Variants in TOX4 observed in about 807,000 individuals in gnomAD.
The protein encoded by TOX4 is TOX high mobility group box family member 4, also known as epidermal Langerhans cell protein LCP1.
TOX4 carries 12 observed loss-of-function variants against 61.0 expected under a neutral mutation model. The observed-to-expected ratio is 0.20, with a 90% confidence interval of 0.13 to 0.32. TOX4 has a LOEUF of 0.32. Ranked by LOEUF, TOX4 falls within the 10% of genes least tolerant of loss-of-function variation. The probability of loss-of-function intolerance (pLI) is 1.00; values close to 1 mark genes in which losing one functional copy is unlikely to be tolerated. For synonymous variants in TOX4, 268 were observed against 274.8 expected (o/e 0.98, Z 0.24); for missense variants, 499 against 753.3 (o/e 0.66, Z 3.95).
intron 2 of TOX4, chr14:21,482,456 C>G (rs920038408): frequency 2.4e-6 from 1 of 412,480 alleles, no homozygotes; most frequent in African/African-American, 2.1e-5. Context: ...GTTTTGGGAT[C>G]AGAGAATGAA....
At chr14:21,482,291 T>G (rs1469752721) in intron 2 of TOX4, among the ~76,000 whole-genome samples, 1 of 152,136 alleles carries the variant, frequency 6.6e-6, no homozygotes, top group Non-Finnish European at 1.5e-5. Context: ...TCTGGCTAAA[T>G]AGGTAAAATT....
At chr14:21,486,657 A>G (rs33919729) in intron 2 of TOX4, among the ~76,000 whole-genome samples, 22,892 of 152,170 alleles carry the variant, frequency 0.15, 1,775 homozygotes, top group Admixed American at 0.23. Context: ...TCACATCTTA[A>G]TCAGACATTG....
In TOX4 at chr14:21,479,447, G is replaced by A. The variant is rs913088562; in HGVS notation, c.75+1883G>A. Among the ~76,000 whole-genome samples, 4 of 151,964 alleles carry A rather than the reference G, an allele frequency of 2.6e-5. 1 individual carries two copies. Among genetic ancestry groups the A allele is most frequent in the Non-Finnish European group, 2.9e-5 (2 of 67,944 alleles). On this transcript the variant is annotated intron_variant, in intron 2 of 8. Coordinates refer to ENST00000448790, the MANE Select transcript of TOX4 (RefSeq NM_014828.4). ...GGGCGGATCACGAGGTCAGGAGTTC[G>A]AGACCAGCCTGACCAACATGTGAAA...
Position 21,498,747 on chromosome 14 carries a change from C to T in TOX4, c.*2141C>T, listed in dbSNP as rs187001553. The T allele has an allele frequency of 1.5e-5, 7 of 470,150 alleles. No individual in the cohort carries two copies. In the Admixed American group the frequency reaches 1.9e-4, roughly 13 times the overall value. 29.1% of individuals were successfully genotyped at this position (470,150 alleles called of 1,614,324 possible). A position where few individuals can be genotyped will look rare whatever the true frequency, so the allele number is the denominator to read the frequency against. On this transcript the variant is annotated 3_prime_UTR_variant, in exon 9 of 9. Transcript: ENST00000448790. ...AGATAACTTCGTAACCACCAGGGGG[C>T]AGATTCAATACATCACAGAATGGCT... is the stretch of plus-strand genomic sequence containing the variant.
At chr14:21,485,278 G>T (rs1324419192) in intron 2 of TOX4, among the ~76,000 whole-genome samples, 1 of 105,764 alleles carries the variant, frequency 9.5e-6, no homozygotes, top group Non-Finnish European at 2.1e-5. Context: ...AGCCGGGCAT[G>T]GTGGCACATG....
In TOX4 at chr14:21,488,786, G is replaced by A. The variant is rs140532352; in HGVS notation, c.515G>A (p.Arg172His). 1.0e-4 allele frequency: 167 copies of A among 1,614,076 alleles called. No individual in the cohort carries two copies. The highest frequency in any genetic ancestry group is 1.3e-4 in the Non-Finnish European group (158 of 1,180,040). Residue 172 changes from arginine to histidine, a missense_variant, in exon 4 of 9, where the codon CGT (arginine) becomes CAT (histidine). Coordinates refer to ENST00000448790, the MANE Select transcript of TOX4 (RefSeq NM_014828.4). The part of the protein sequence containing the change: ...ILPPAQSPED[R>H]LSTTPSPTSS... ...CCACCTGCCCAGTCACCTGAAGATC[G>A]TCTTTCAACCACCCCTTCACCTACT...
At chr14:21,494,706 C>T (rs1891362860) in intron 7 of TOX4, among the ~76,000 whole-genome samples, 1 of 144,642 alleles carries the variant, frequency 6.9e-6, no homozygotes, top group Admixed American at 7.0e-5. Context: ...GCTGAAATCG[C>T]ACCACTGCAC....
intron 5 of TOX4, among the ~76,000 whole-genome samples, chr14:21,491,400 C>T (rs1311496853): frequency 6.6e-6 from 1 of 152,024 alleles, no homozygotes; most frequent in Non-Finnish European, 1.5e-5. Context: ...CACTGTGTCG[C>T]CCAGGCTGGA....
At chr14:21,479,949 T>C (rs1891080621) in intron 2 of TOX4, among the ~76,000 whole-genome samples, 1 of 152,230 alleles carries the variant, frequency 6.6e-6, no homozygotes, top group Non-Finnish European at 1.5e-5. Flanking sequence ...ATTTATGAAG[T>C]TGAACAATCA....
At position 21,477,239 on chromosome 14, in the gene TOX4, A is replaced by C; in HGVS notation, c.-40A>C. On this transcript the variant is annotated 5_prime_UTR_variant, in exon 1 of 9. Coordinates refer to ENST00000448790, the MANE Select transcript of TOX4 (RefSeq NM_014828.4). Reference sequence around the variant, plus strand: ...TTCCGAGTCCAGTGGGGGCGGTGGGAGCGATGAGGGTCTGAGACGGTGGGA... The same window carrying C: ...TTCCGAGTCCAGTGGGGGCGGTGGGCGCGATGAGGGTCTGAGACGGTGGGA... 1 of 1,613,580 alleles carries C rather than the reference A, an allele frequency of 6.2e-7. No individual in the cohort carries two copies.
At position 21,492,904 on chromosome 14, in the gene TOX4, G is replaced by C. The variant is rs752952603; in HGVS notation, c.1288G>C (p.Ala430Pro). ...GTCAGTGTTGCAGGCAGCAGCAGCT[G>C]CTGCTGCTGCTGCTTCTATGCAACT... ...TRSVLQAAAAAAAAASMQLPP... is the reference protein window; with the variant it reads ...TRSVLQAAAAPAAAASMQLPP... The change falls in exon 7 of 9, where the codon GCT becomes CCT. Residue 430 changes from alanine (A) to proline (P), a missense_variant. By Grantham distance (27) the Ala-to-Pro change is conservative. Transcript: ENST00000448790. 14 of 1,605,942 alleles carry C rather than the reference G, an allele frequency of 8.7e-6. No homozygotes were observed. Among genetic ancestry groups the C allele is most frequent in the Non-Finnish European group, 3.4e-6 (4 of 1,178,140 alleles).
Position 21,492,665 on chromosome 14 carries a change from A to C in TOX4, c.1049A>C (p.Tyr350Ser). 1 of 1,613,884 alleles carries C rather than the reference A, an allele frequency of 6.2e-7. No individual in the cohort carries two copies. Among genetic ancestry groups the C allele is most frequent in the Non-Finnish European group, 8.5e-7 (1 of 1,179,982 alleles). The change falls in exon 7 of 9, where the codon TAT (tyrosine) becomes TCT (serine). Residue 350 changes from tyrosine (Y) to serine (S), a missense_variant. Physicochemically the swap from Tyr to Ser is moderately radical, Grantham distance 144. Around this residue, in one of 7 missense-constraint regions of TOX4, gnomAD observed 296 missense variants for 404.7 expected, o/e 0.73. Transcript: ENST00000448790. The stretch of plus-strand genomic sequence containing the variant: ...GTTGTTAACTCCACCCTTTCATCCT[A>C]TGTGGCAAACCAGGCATCTTCTGGA... ...SIVVNSTLSS[Y>S]VANQASSGAG...
At chr14:21,480,363 A>G (rs892550112) in intron 2 of TOX4, among the ~76,000 whole-genome samples, 2 of 152,174 alleles carry the variant, frequency 1.3e-5, no homozygotes, top group African/African-American at 4.8e-5. Context: ...TCCTTTGCCT[A>G]AGGCTCCTGT....
chr14:21,483,227 A>G (rs1210474798), intron 2 of TOX4, among the ~76,000 whole-genome samples: 1 of 152,172 alleles, frequency 6.6e-6, no homozygotes, highest in Non-Finnish European at 1.5e-5. Flanking sequence ...TATCATTTTT[A>G]TATCCTGACA....
intron 5 of TOX4, 64 bp downstream of exon 5, chr14:21,489,467 G>A: frequency 1.4e-6 from 2 of 1,442,454 alleles, no homozygotes; most frequent in Non-Finnish European, 1.9e-6. Flanking sequence ...TAAAAATTGA[G>A]GTTTTCTTTT....
chr14:21,488,609 G>C lies in TOX4; in HGVS notation c.338G>C (p.Gly113Ala). 1.9e-6 allele frequency: 3 copies of C among 1,613,982 alleles called. No individual in the cohort carries two copies. Among genetic ancestry groups the C allele is most frequent in the Non-Finnish European group, 2.5e-6 (3 of 1,179,994 alleles). Reference sequence around the variant, plus strand: ...TCTCAGGACTTGGACCACTCTATAGGAACTCAGTATAGTGCCAACCCACCT... The same window carrying C: ...TCTCAGGACTTGGACCACTCTATAGCAACTCAGTATAGTGCCAACCCACCT... Reference protein sequence around the residue: ...GLTMDLDHSIGTQYSANPPVT... With the variant: ...GLTMDLDHSIATQYSANPPVT... Residue 113 changes from glycine to alanine, a missense_variant, in exon 4 of 9, where the codon GGA becomes GCA. By Grantham distance (60) the Gly-to-Ala change is moderately conservative (BLOSUM62 0). Transcript: ENST00000448790.
chr14:21,491,835 C>G (rs1213503794), intron 5 of TOX4, among the ~76,000 whole-genome samples: 3 of 150,808 alleles, frequency 2.0e-5, no homozygotes, highest in Admixed American at 2.0e-4. Context: ...CACAGCGAAA[C>G]CCCATCTCTA....
rs1175595126 is a variant in TOX4 at position 21,488,483 on chromosome 14, A to G, written c.319-107A>G. On this transcript the variant is annotated intron_variant, in intron 3 of 8. Transcript: ENST00000448790. ...GACTATTTTATGTTTTGTATTTTAA[A>G]TGATACAATTTGGGTAGGCAGGGAA... The G allele has an allele frequency of 4.6e-6, 5 of 1,078,164 alleles. No homozygotes were observed. In the East Asian group the frequency reaches 7.6e-5, roughly 16 times the overall value. The allele number at this position is 1,078,164 out of a possible 1,614,324, so 66.8% of individuals were successfully genotyped here.
At chr14:21,484,091 G>T (rs967117070) in intron 2 of TOX4, among the ~76,000 whole-genome samples, 1 of 152,108 alleles carries the variant, frequency 6.6e-6, no homozygotes, top group African/African-American at 2.4e-5. Context: ...TTACAGGTGT[G>T]AGCCACCACT....
Sources: gnomAD v4.1 joint callset for allele counts (sites outside exome capture counted in the v4.1 genomes callset) on GRCh38, gnomAD v4.1.1 for gene constraint, gnomAD v4.1.1 regional missense constraint, MANE v1.5 for transcripts, NCBI Gene and HGNC (gene_info 2026-07-23, HGNC 2026-07-21) for gene names.